NRG1: variants seen among roughly 807,000 people sequenced by gnomAD.
NRG1 encodes the protein pro-neuregulin-1, membrane-bound isoform.
In NRG1, 18 loss-of-function variants were observed where a neutral mutation model predicts 63.8. That is an observed-to-expected ratio of 0.28 (90% CI 0.19 to 0.42). The LOEUF is 0.42. Ranked by LOEUF, NRG1 falls within the 10% of genes least tolerant of loss-of-function variation. The pLI is 1.00. For missense variants in NRG1, 762 were observed against 814.7 expected, an observed-to-expected ratio of 0.94 and a Z score of 0.79; for synonymous variants, 302 against 301.3, an observed-to-expected ratio of 1.00 and a Z score of -0.02.
intron 1 of NRG1, among the ~76,000 whole-genome samples, chr8:32,585,953 G>A (rs748047620): frequency 2.0e-5 from 3 of 152,074 alleles, no homozygotes; most frequent in African/African-American, 2.4e-5. Flanking sequence ...TATACCAGCC[G>A]TGTGACTATA....
chr8:31,776,111 T>G (rs1486798853), intron 1 of NRG1, among the ~76,000 whole-genome samples: 1 of 152,170 alleles, frequency 6.6e-6, no homozygotes, highest in Non-Finnish European at 1.5e-5. Flanking sequence ...GACTGTAAAG[T>G]GCACTAGAAG....
At chr8:32,345,050 G>T (rs1804706838) in intron 1 of NRG1, among the ~76,000 whole-genome samples, 1 of 152,100 alleles carries the variant, frequency 6.6e-6, no homozygotes, top group Non-Finnish European at 1.5e-5. Context: ...CTGAGATTTG[G>T]CCTCTCCATC....
intron 3 of NRG1, among the ~76,000 whole-genome samples, chr8:32,608,474 G>A (rs546582043): frequency 3.2e-4 from 49 of 152,204 alleles, no homozygotes; most frequent in African/African-American, 1.1e-3. Context: ...AAAGTGCTGG[G>A]ATTACAGGTG....
rs994709170 is a variant in NRG1, at chr8:32,760,532, G to C, written c.1259+126G>C. 2.0e-6 allele frequency: 3 copies of C among 1,494,860 alleles called. No homozygotes were observed. The African/African-American group carries it at 4.2e-5, about 21-fold the overall frequency. 92.6% of individuals were successfully genotyped at this position (1,494,860 alleles called of 1,614,324 possible). ...AAGGGGCGGCAGTTACCTGTTCTAG[G>C]AGTGCTCCTAGTTGATGAAGTCATC... is the stretch of plus-strand genomic sequence containing the variant. On this transcript the variant is annotated intron_variant, in intron 11 of 11. Coordinates refer to ENST00000356819, the Ensembl canonical transcript of NRG1.
At chr8:32,711,223 G>GTTT (rs796371397) in intron 5 of NRG1, among the ~76,000 whole-genome samples, 1 of 135,744 alleles carries the variant, frequency 7.4e-6, no homozygotes, top group Non-Finnish European at 1.6e-5. Flanking sequence ...TTCAGCCTCA[G>GTTT]TTTTTTTTTT....
intron 7 of NRG1, among the ~76,000 whole-genome samples, chr8:32,753,326 GACCT>G (rs1829075343): frequency 6.6e-6 from 1 of 152,154 alleles, no homozygotes; most frequent in African/African-American, 2.4e-5. Flanking sequence ...TTAAGAACCT[GACCT>G]ACCTTAGTAT....
At chr8:31,715,467 G>A (rs1485052985) in intron 1 of NRG1, among the ~76,000 whole-genome samples, 3 of 151,892 alleles carry the variant, frequency 2.0e-5, no homozygotes, top group African/African-American at 7.3e-5. Flanking sequence ...TCCTAACAGA[G>A]GTATGAATAA....
intron 1 of NRG1, among the ~76,000 whole-genome samples, chr8:31,870,992 A>G (rs28671683): frequency 0.018 from 2,732 of 148,068 alleles, 88 homozygotes; most frequent in African/African-American, 0.064. Context: ...TGTCAGATCC[A>G]CACTTTTATT....
At chr8:32,484,150 A>G (rs1299467949) in intron 1 of NRG1, among the ~76,000 whole-genome samples, 4 of 152,012 alleles carry the variant, frequency 2.6e-5, no homozygotes, top group Admixed American at 1.3e-4. Context: ...TTTCAGGGAA[A>G]GTCATTTGAG....
At chr8:32,373,733 G>A (rs1239883098) in intron 1 of NRG1, among the ~76,000 whole-genome samples, 1 of 152,126 alleles carries the variant, frequency 6.6e-6, no homozygotes, top group Admixed American at 6.5e-5. Flanking sequence ...AGCCAAGATT[G>A]CACCACTGCA....
intron 1 of NRG1, among the ~76,000 whole-genome samples, chr8:32,083,745 T>C (rs974940426): frequency 2.0e-5 from 3 of 151,702 alleles, no homozygotes; most frequent in Non-Finnish European, 2.9e-5. Context: ...TAGAAAACAT[T>C]AAGTCTTATT....
intron 5 of NRG1, among the ~76,000 whole-genome samples, chr8:32,727,288 T>C (rs909546875): frequency 6.6e-6 from 1 of 152,224 alleles, no homozygotes; most frequent in African/African-American, 2.4e-5. Context: ...TACAGTGATA[T>C]TAGACTCTTT....
chr8:32,045,195 A>G (rs1820810296), intron 1 of NRG1, among the ~76,000 whole-genome samples: 2 of 151,904 alleles, frequency 1.3e-5, no homozygotes, highest in Admixed American at 1.3e-4. Flanking sequence ...AGCAATAAAT[A>G]ATTAGCAAGC....
intron 1 of NRG1, among the ~76,000 whole-genome samples, chr8:31,658,849 C>G (rs933244644): frequency 3.3e-5 from 5 of 152,192 alleles, no homozygotes; most frequent in Admixed American, 6.5e-5. Context: ...GAGATCCAGA[C>G]TAGCAATAGC....
chr8:32,048,841 G>T (rs1271810798), intron 1 of NRG1, among the ~76,000 whole-genome samples: 1 of 151,766 alleles, frequency 6.6e-6, no homozygotes, highest in Non-Finnish European at 1.5e-5. Context: ...AGTTGTTTGA[G>T]TTCCTTATAT....
Position 32,486,076 on chromosome 8 carries a change from C to T in NRG1, c.38-109752C>T, listed in dbSNP as rs570031520. ...CCAAGTAGCTGGGATTACAGGCGCT[C>T]CCCCCCTCCCCATGCCTGGCTAATT... On this transcript the variant is annotated intron_variant, in intron 1 of 10. Transcript: ENST00000519301. Among the ~76,000 whole-genome samples, 85 of 151,796 alleles carry T rather than the reference C, an allele frequency of 5.6e-4. No homozygotes were observed. The South Asian group carries it at 6.0e-3, about 11-fold the overall frequency.
intron 1 of NRG1, among the ~76,000 whole-genome samples, chr8:31,842,521 T>C (rs997859099): frequency 2.6e-5 from 4 of 152,182 alleles, no homozygotes; most frequent in Non-Finnish European, 5.9e-5. Flanking sequence ...ACTCCATATA[T>C]GCCAACACTA....
In NRG1 at chr8:32,313,163, T is replaced by G. The variant is rs115785609; in HGVS notation, c.38-282665T>G. Among the ~76,000 whole-genome samples, 408 of 152,236 alleles carry G rather than the reference T, an allele frequency of 2.7e-3. 2 individuals are homozygous for G. The highest frequency in any genetic ancestry group is 9.6e-3 in the African/African-American group (397 of 41,534). On this transcript the variant is annotated intron_variant, in intron 1 of 10. Coordinates refer to the NRG1 transcript ENST00000519301. ...GAGTGAGATTCCGTCATATATATAT[T>G]CACATGATTTAGGAAATTCTGTATT...
intron 1 of NRG1, among the ~76,000 whole-genome samples, chr8:32,173,874 C>A (rs906337693): frequency 6.6e-6 from 1 of 152,114 alleles, no homozygotes; most frequent in Non-Finnish European, 1.5e-5. Context: ...GACTTAGACT[C>A]CCACACAATA....
Sources: gnomAD v4.1 joint callset for allele counts (sites outside exome capture counted in the v4.1 genomes callset) on GRCh38, gnomAD v4.1.1 for gene constraint, MANE v1.5 for transcripts, NCBI Gene and HGNC (gene_info 2026-07-23, HGNC 2026-07-21) for gene names.